CHKA: variants seen among roughly 807,000 people sequenced by gnomAD.
The protein encoded by CHKA is choline kinase alpha.
CHKA carries 34 observed loss-of-function variants against 60.1 expected under a neutral mutation model. The observed-to-expected ratio is 0.57, with a 90% CI of 0.43 to 0.75. The LOEUF (loss-of-function observed/expected upper bound fraction) is 0.75, where lower values mean the gene tolerates loss of function less well. Among genes scored for constraint, CHKA ranks in the 30% least tolerant of loss-of-function variants. The pLI is 0.00. For synonymous variants in CHKA, 217 were observed against 223.1 expected, an observed-to-expected ratio of 0.97 and a Z score of 0.24; for missense variants, 563 against 561.3, an observed-to-expected ratio of 1.00 and a Z score of -0.03.
rs560826084 is a variant in CHKA at position 68,110,906 on chromosome 11, G to A, written c.350+9922C>T. Among the ~76,000 whole-genome samples, 41 of 151,662 alleles carry A rather than the reference G, an allele frequency of 2.7e-4. No individual in the cohort carries two copies. In the South Asian group the frequency reaches 8.2e-3, roughly 30 times the overall value. ...CCAGCTACTCGGGAGGCTGAGGCAG[G>A]AGAATCGCTTGAATCCAGGAGGCGG... On this transcript the variant is annotated intron_variant, in intron 1 of 11. Coordinates refer to ENST00000265689, the MANE Select transcript of CHKA (RefSeq NM_001277.3).
chr11:68,095,469 G>GCGA, intron 2 of CHKA, among the ~76,000 whole-genome samples: 1 of 141,774 alleles, frequency 7.1e-6, no homozygotes, highest in African/African-American at 2.7e-5. Flanking sequence ...CCAGCACTTT[G>GCGA]GAGGCCAAGG....
At chr11:68,115,992 TGTGA>T (rs1858370326) in intron 1 of CHKA, among the ~76,000 whole-genome samples, 4 of 152,200 alleles carry the variant, frequency 2.6e-5, no homozygotes, top group African/African-American at 9.7e-5. Flanking sequence ...TAACTTCCTA[TGTGA>T]GTTTTACTGC....
Position 68,053,962 on chromosome 11 carries a change from T to C in CHKA, c.*26A>G. The C allele has an allele frequency of 6.2e-7, 1 of 1,607,454 alleles. No individual in the cohort carries two copies. The highest frequency in any genetic ancestry group is 8.5e-7 in the Non-Finnish European group (1 of 1,174,790). On this transcript the variant is annotated 3_prime_UTR_variant, in exon 12 of 12. Transcript: ENST00000265689. ...GCTGCCTCCCCATGCAGTCCAGTGA[T>C]GAGGTGGATGGAGTCCTCCCCACAG...
At chr11:68,067,617 G>A (rs1856487100) in intron 7 of CHKA, among the ~76,000 whole-genome samples, 1 of 152,088 alleles carries the variant, frequency 6.6e-6, no homozygotes, top group Non-Finnish European at 1.5e-5. Flanking sequence ...GGAGGCAGAC[G>A]CCCAAAGTAG....
At chr11:68,098,506 TGGG>T (rs1299670090) in intron 1 of CHKA, among the ~76,000 whole-genome samples, 1 of 152,016 alleles carries the variant, frequency 6.6e-6, no homozygotes, top group Non-Finnish European at 1.5e-5. Context: ...TAGGTGGAAA[TGGG>T]GAGTTGGTTT....
chr11:68,054,076 C>T, intron 11 of CHKA, 29 bp from the exon 12 acceptor site: 4 of 1,598,158 alleles, frequency 2.5e-6, no homozygotes, highest in Non-Finnish European at 3.4e-6. Flanking sequence ...AAGGCCTCAG[C>T]AAGGAATCCT....
chr11:68,099,449 C>T (rs1428903021), intron 1 of CHKA, among the ~76,000 whole-genome samples: 1 of 152,138 alleles, frequency 6.6e-6, no homozygotes, highest in Non-Finnish European at 1.5e-5. Flanking sequence ...AAATGAAAAA[C>T]CATCATGAGT....
intron 2 of CHKA, chr11:68,082,186 T>C (rs1267722270): frequency 6.6e-6 from 1 of 151,986 alleles, no homozygotes; most frequent in Non-Finnish European, 1.5e-5. Flanking sequence ...CACTAGATCA[T>C]TAACTACCAT....
At chr11:68,109,144 C>G (rs999477308) in intron 1 of CHKA, among the ~76,000 whole-genome samples, 1 of 141,070 alleles carries the variant, frequency 7.1e-6, no homozygotes, top group Non-Finnish European at 1.5e-5. Context: ...GGCAGGAGTG[C>G]AGTGGCGCGA....
intron 1 of CHKA, among the ~76,000 whole-genome samples, chr11:68,117,220 C>T (rs940011704): frequency 2.0e-5 from 3 of 152,084 alleles, no homozygotes; most frequent in Non-Finnish European, 4.4e-5. Context: ...TTAAAGGAAA[C>T]ACACCAAGGG....
At chr11:68,061,051 T>C (rs576994024) in intron 11 of CHKA, among the ~76,000 whole-genome samples, 1 of 151,884 alleles carries the variant, frequency 6.6e-6, no homozygotes, top group Non-Finnish European at 1.5e-5. Flanking sequence ...ACAGAAAGGT[T>C]TGTCTGAAGG....
intron 3 of CHKA, among the ~76,000 whole-genome samples, chr11:68,077,155 G>A (rs918890675): frequency 8.5e-5 from 13 of 152,062 alleles, no homozygotes; most frequent in African/African-American, 3.1e-4. Flanking sequence ...CAGGAGAATC[G>A]CCTGAACATG....
At chr11:68,060,496 A>G (rs773716950) in intron 11 of CHKA, among the ~76,000 whole-genome samples, 2 of 152,006 alleles carry the variant, frequency 1.3e-5, no homozygotes, top group Non-Finnish European at 2.9e-5. Flanking sequence ...TTTTTAGTAG[A>G]GATAGAGTTT....
intron 1 of CHKA, among the ~76,000 whole-genome samples, chr11:68,109,946 T>C (rs956832642): frequency 2.0e-5 from 3 of 152,104 alleles, no homozygotes; most frequent in African/African-American, 7.2e-5. Flanking sequence ...AGCGAGACTC[T>C]GTCTCAAAAT....
Position 68,064,513 on chromosome 11 carries a change from G to A in CHKA, c.1232+12C>T. The A allele has an allele frequency of 7.3e-7, 1 of 1,379,150 alleles. No homozygotes were observed. The highest frequency in any genetic ancestry group is 1.3e-5 in the South Asian group (1 of 76,172). 85.4% of individuals were successfully genotyped at this position (1,379,150 alleles called of 1,614,324 possible). A position where few individuals can be genotyped will look rare whatever the true frequency, so the allele number is the denominator to read the frequency against. On this transcript the variant is annotated intron_variant, in intron 10 of 11. Transcript: ENST00000265689. ...AAGCTATCTTTACAAATCAAAAAAG[G>A]AAAAATGTTACCTATTAACTTCAAG...
At chr11:68,099,084 C>A (rs954326911) in intron 1 of CHKA, among the ~76,000 whole-genome samples, 19 of 152,018 alleles carry the variant, frequency 1.2e-4, no homozygotes, top group African/African-American at 4.1e-4. Context: ...CACAAAAGAC[C>A]ACATGTTATA....
intron 1 of CHKA, among the ~76,000 whole-genome samples, chr11:68,112,609 T>C (rs139854542): frequency 1.3e-5 from 2 of 152,270 alleles, no homozygotes; most frequent in Non-Finnish European, 2.9e-5. Flanking sequence ...AAAGAAATAA[T>C]TGATAGGCCA....
chr11:68,092,221 T>C (rs1857372749), intron 2 of CHKA, among the ~76,000 whole-genome samples: 2 of 152,234 alleles, frequency 1.3e-5, no homozygotes, highest in African/African-American at 4.8e-5. Flanking sequence ...TGATTTATTA[T>C]TGGGGGCTCT....
chr11:68,116,106 C>T (rs1465853609), intron 1 of CHKA, among the ~76,000 whole-genome samples: 1 of 152,166 alleles, frequency 6.6e-6, no homozygotes, highest in Non-Finnish European at 1.5e-5. Context: ...TAGCATCCTC[C>T]TCAATGGTTT....
Sources: gnomAD v4.1 joint callset for allele counts (sites outside exome capture counted in the v4.1 genomes callset) on GRCh38, gnomAD v4.1.1 for gene constraint, MANE v1.5 for transcripts, NCBI Gene and HGNC (gene_info 2026-07-23, HGNC 2026-07-21) for gene names.